CRPPA: variants seen among roughly 807,000 people sequenced by gnomAD.
CRPPA encodes D-ribitol-5-phosphate cytidylyltransferase.
Under a neutral mutation model 52.0 loss-of-function variants are expected in CRPPA, and 43 were observed. The observed-to-expected ratio is 0.83, with a 90% confidence interval of 0.65 to 1.07. CRPPA has a LOEUF of 1.07. Ranked by LOEUF, CRPPA falls within the 50% of genes least tolerant of loss-of-function variation. The probability of loss-of-function intolerance (pLI) is 0.00; values close to 1 mark genes in which losing one functional copy is unlikely to be tolerated. For missense variants in CRPPA, 629 were observed against 551.7 expected (o/e 1.14, Z -1.40); for synonymous variants, 250 against 203.5 (o/e 1.23, Z -1.94).
At position 16,089,235 on chromosome 7, in the gene CRPPA, CG is replaced by C. The variant is rs1781764862; in HGVS notation, c.*2459del. 2.7e-6 allele frequency: 1 copy of C among 371,446 alleles called. No individual in the cohort carries two copies. Among genetic ancestry groups the C allele is most frequent in the Non-Finnish European group, 5.9e-6 (1 of 170,724 alleles). The allele number at this position is 371,446 out of a possible 1,614,324, so 23.0% of individuals were successfully genotyped here. On this transcript the variant is annotated 3_prime_UTR_variant, in exon 10 of 10. Transcript: ENST00000407010. The stretch of plus-strand genomic sequence containing the variant: ...ATATACATATATGTGTGTATGCGTA[CG>C]TATATACATATATGTGTGTATGCGT...
At chr7:16,094,908 T>C (rs747023274) in intron 9 of CRPPA, among the ~76,000 whole-genome samples, 15 of 152,060 alleles carry the variant, frequency 9.9e-5, no homozygotes, top group Non-Finnish European at 1.6e-4. Context: ...AAGAGGTGTC[T>C]GAAGAGAACT....
At chr7:16,175,818 T>C (rs11979688) in intron 9 of CRPPA, among the ~76,000 whole-genome samples, 106 of 152,298 alleles carry the variant, frequency 7.0e-4, no homozygotes, top group African/African-American at 2.4e-3. Flanking sequence ...AAGATTATTA[T>C]GGAATGCAGA....
rs1322130109 is a variant in CRPPA at position 16,216,144 on chromosome 7, T to G, written c.1173A>C (p.Leu391=). Residue 391 remains leucine (L), a synonymous_variant, in exon 9 of 10, where the codon CTA becomes CTC. Transcript: ENST00000407010. ...CCTTTGCAAATTCTCTAATCTGCATTAGGTTTTCCATTTTCTGACTGGGAG... is the reference window on the plus strand; with the variant it reads ...CCTTTGCAAATTCTCTAATCTGCATGAGGTTTTCCATTTTCTGACTGGGAG... ...LVPPSQKMEN[L]MQIREFAKEV... 6.3e-7 allele frequency: 1 copy of G among 1,594,202 alleles called. No individual in the cohort carries two copies. Among genetic ancestry groups the G allele is most frequent in the Non-Finnish European group, 8.6e-7 (1 of 1,164,092 alleles).
At chr7:16,320,516 C>T (rs989599934) in intron 3 of CRPPA, among the ~76,000 whole-genome samples, 1 of 152,114 alleles carries the variant, frequency 6.6e-6, no homozygotes, top group Admixed American at 6.5e-5. Context: ...ATCTGATTAC[C>T]TATCCTTCCA....
chr7:16,224,709 T>C (rs1333122796), intron 8 of CRPPA, among the ~76,000 whole-genome samples: 1 of 152,060 alleles, frequency 6.6e-6, no homozygotes, highest in Non-Finnish European at 1.5e-5. Context: ...AGAAATATAA[T>C]GAATCTAAAA....
At chr7:16,201,278 C>G (rs1025759838) in intron 9 of CRPPA, among the ~76,000 whole-genome samples, 1 of 152,138 alleles carries the variant, frequency 6.6e-6, no homozygotes, top group African/African-American at 2.4e-5. Flanking sequence ...CAGTGAAACT[C>G]TACCTTCAAG....
intron 3 of CRPPA, among the ~76,000 whole-genome samples, chr7:16,329,497 C>T (rs1001843572): frequency 2.6e-5 from 4 of 152,094 alleles, no homozygotes; most frequent in Non-Finnish European, 1.5e-5. Context: ...ACAATCAGGC[C>T]TTTGATTATC....
intron 9 of CRPPA, among the ~76,000 whole-genome samples, chr7:16,195,369 G>A (rs1350314373): frequency 6.6e-6 from 1 of 152,028 alleles, no homozygotes; most frequent in South Asian, 2.1e-4. Flanking sequence ...ATACTTCACT[G>A]AAAGATCTGC....
intron 3 of CRPPA, among the ~76,000 whole-genome samples, chr7:16,321,825 C>T (rs563686761): frequency 3.5e-4 from 54 of 152,216 alleles, no homozygotes; most frequent in East Asian, 1.7e-3. Context: ...AACTGAGGAA[C>T]GTCTATCCTT....
intron 5 of CRPPA, among the ~76,000 whole-genome samples, chr7:16,295,386 G>A (rs1252798387): frequency 6.6e-6 from 1 of 151,792 alleles, no homozygotes; most frequent in Non-Finnish European, 1.5e-5. Context: ...AAACCAAAAG[G>A]GATGAAATGG....
chr7:16,236,609 A>T (rs186818464), intron 8 of CRPPA, among the ~76,000 whole-genome samples: 1 of 152,174 alleles, frequency 6.6e-6, no homozygotes, highest in Non-Finnish European at 1.5e-5. Context: ...CTGCAAAAGT[A>T]ATCTATTTTT....
At chr7:16,253,404 G>T (rs1783515814) in intron 8 of CRPPA, among the ~76,000 whole-genome samples, 1 of 152,152 alleles carries the variant, frequency 6.6e-6, no homozygotes, top group Non-Finnish European at 1.5e-5. Context: ...TTTCCATGTA[G>T]TTGTACAGTT....
At chr7:16,130,833 T>C (rs1377593051) in intron 9 of CRPPA, among the ~76,000 whole-genome samples, 2 of 152,100 alleles carry the variant, frequency 1.3e-5, no homozygotes. Flanking sequence ...CTCAGTGAGA[T>C]GGTTTTTGGA....
intron 6 of CRPPA, among the ~76,000 whole-genome samples, chr7:16,260,724 G>GAA (rs11368808): frequency 3.0e-3 from 451 of 148,714 alleles, no homozygotes; most frequent in African/African-American, 5.2e-3. Flanking sequence ...TCTGAACTCA[G>GAA]AAAAAAAAAA....
chr7:16,300,819 G>A (rs1408742619), intron 5 of CRPPA, among the ~76,000 whole-genome samples: 1 of 152,190 alleles, frequency 6.6e-6, no homozygotes, highest in African/African-American at 2.4e-5. Flanking sequence ...CTTGCACAGT[G>A]TTAAGCAAAA....
intron 3 of CRPPA, among the ~76,000 whole-genome samples, chr7:16,329,085 G>T (rs1015959016): frequency 6.6e-6 from 1 of 152,136 alleles, no homozygotes; most frequent in African/African-American, 2.4e-5. Context: ...ATTCACAAAT[G>T]TCCTTAAGGT....
chr7:16,276,796 T>G (rs1319666313), intron 6 of CRPPA: 1 of 152,214 alleles, frequency 6.6e-6, no homozygotes, highest in Non-Finnish European at 1.5e-5. Flanking sequence ...TGTAAGAATA[T>G]ATACAGTAAG....
At chr7:16,195,822 A>G (rs1487846547) in intron 9 of CRPPA, among the ~76,000 whole-genome samples, 1 of 152,062 alleles carries the variant, frequency 6.6e-6, no homozygotes, top group African/African-American at 2.4e-5. Context: ...CATCCAGAAG[A>G]ACTGATAATA....
chr7:16,389,924 A>ATATATATATATATATATATATAT (rs1169753280), intron 2 of CRPPA, among the ~76,000 whole-genome samples: 3 of 62,568 alleles, frequency 4.8e-5, no homozygotes, highest in African/African-American at 7.4e-5. Flanking sequence ...AAAAAAAAAA[A>ATATATATATATATATATATATAT]AAAAATATAT....
Sources: allele counts gnomAD v4.1 joint callset (sites outside exome capture counted in the v4.1 genomes callset), GRCh38; gene constraint gnomAD v4.1.1; transcripts MANE v1.5; gene names NCBI Gene and HGNC (gene_info 2026-07-23, HGNC 2026-07-21).